OMA1: variants seen among roughly 807,000 people sequenced by gnomAD.
OMA1 encodes metalloendopeptidase OMA1, mitochondrial.
A neutral mutation model predicts 30.9 loss-of-function variants in OMA1; 38 were observed. That is an observed-to-expected ratio of 1.23 (90% CI 0.95 to 1.61). The LOEUF is 1.61. Ranked by LOEUF, OMA1 falls within the 40% of genes most tolerant of loss-of-function variation. The pLI, the probability that OMA1 is intolerant of heterozygous loss-of-function variation, is 0.00. For synonymous variants in OMA1, 173 were observed against 121.9 expected (o/e 1.42, Z -2.76); for missense variants, 461 against 349.2 (o/e 1.32, Z -2.55).
At chr1:58,545,966 T>C (rs1164601877) in intron 1 of OMA1, among the ~76,000 whole-genome samples, 4 of 152,196 alleles carry the variant, frequency 2.6e-5, no homozygotes, top group Admixed American at 2.6e-4. Flanking sequence ...CTAAATCCTT[T>C]TAGCGAGGGT....
intron 7 of OMA1, among the ~76,000 whole-genome samples, chr1:58,514,763 T>C (rs1646134219): frequency 6.6e-6 from 1 of 152,174 alleles, no homozygotes; most frequent in Non-Finnish European, 1.5e-5. Flanking sequence ...AAAATGATCA[T>C]TATTTTAGAA....
intron 7 of OMA1, among the ~76,000 whole-genome samples, chr1:58,521,241 T>G (rs1646257439): frequency 6.6e-6 from 1 of 151,512 alleles, no homozygotes; most frequent in Admixed American, 6.6e-5. Context: ...CATTTTAAAC[T>G]GAAGAAAAAA....
At chr1:58,510,960 T>C (rs911271146) in intron 7 of OMA1, among the ~76,000 whole-genome samples, 1 of 151,890 alleles carries the variant, frequency 6.6e-6, no homozygotes, top group Admixed American at 6.6e-5. Flanking sequence ...AAAAAACTGA[T>C]GAAAGAAATT....
At chr1:58,527,594 T>TG (rs1225677681) in intron 6 of OMA1, among the ~76,000 whole-genome samples, 9 of 152,208 alleles carry the variant, frequency 5.9e-5, no homozygotes, top group Non-Finnish European at 1.3e-4. Context: ...AGGAATTTAC[T>TG]TCTATTTTTC....
At chr1:58,493,730 A>C (rs1645743027) in intron 8 of OMA1, among the ~76,000 whole-genome samples, 1 of 151,882 alleles carries the variant, frequency 6.6e-6, no homozygotes, top group African/African-American at 2.4e-5. Flanking sequence ...GGACCTCTTC[A>C]AGGAGAACTA....
chr1:58,487,532 T>C (rs941444372), intron 8 of OMA1, among the ~76,000 whole-genome samples: 2 of 152,202 alleles, frequency 1.3e-5, no homozygotes, highest in South Asian at 4.1e-4. Context: ...GTAGAACTAA[T>C]TAGTAACTAG....
chr1:58,519,299 T>TA (rs2100448007), intron 7 of OMA1, among the ~76,000 whole-genome samples: 1 of 152,306 alleles, frequency 6.6e-6, no homozygotes, highest in East Asian at 1.9e-4. Flanking sequence ...GATATTTTGA[T>TA]AGAGGCATGA....
chr1:58,527,721 C>T (rs978608867), intron 6 of OMA1, among the ~76,000 whole-genome samples: 7 of 152,004 alleles, frequency 4.6e-5, no homozygotes, highest in Admixed American at 4.6e-4. Flanking sequence ...ATCAAGAAAA[C>T]GTAGGCATAT....
chr1:58,544,971 G>A (rs1353322191), intron 1 of OMA1, among the ~76,000 whole-genome samples: 1 of 152,080 alleles, frequency 6.6e-6, no homozygotes, highest in African/African-American at 2.4e-5. Context: ...TAACTCCTGG[G>A]CTCAACTGAT....
intron 6 of OMA1, 81 bp from the exon 7 acceptor site, chr1:58,527,416 A>C: frequency 1.3e-6 from 1 of 754,998 alleles, no homozygotes; most frequent in East Asian, 2.5e-5. Flanking sequence ...TTTTTAAAAA[A>C]CAGTTTCATG....
intron 7 of OMA1, among the ~76,000 whole-genome samples, chr1:58,522,359 T>C (rs538574767): frequency 6.6e-6 from 1 of 152,194 alleles, no homozygotes; most frequent in Non-Finnish European, 1.5e-5. Context: ...TTGATAAAAT[T>C]TAATATATAT....
chr1:58,543,174 C>T (rs1026941504), intron 1 of OMA1, among the ~76,000 whole-genome samples: 4 of 152,134 alleles, frequency 2.6e-5, no homozygotes, highest in African/African-American at 7.2e-5. Context: ...CAAAATAATG[C>T]GCTTTCTTCA....
chr1:58,499,314 C>CAAAAAA (rs58217798), intron 8 of OMA1, among the ~76,000 whole-genome samples: 7 of 69,730 alleles, frequency 1.0e-4, no homozygotes, highest in Admixed American at 3.7e-4. Context: ...CACATCTCTA[C>CAAAAAA]AAAAAAAAAA....
At chr1:58,483,041 C>T (rs1306315435) in intron 8 of OMA1, among the ~76,000 whole-genome samples, 2 of 152,224 alleles carry the variant, frequency 1.3e-5, no homozygotes, top group African/African-American at 4.8e-5. Context: ...TATTCTCCTA[C>T]TTTGAAGAAT....
chr1:58,523,361 T>C (rs1359618696), intron 7 of OMA1, among the ~76,000 whole-genome samples: 2 of 152,246 alleles, frequency 1.3e-5, no homozygotes, highest in African/African-American at 2.4e-5. Context: ...TCTATAACAA[T>C]GATGGAATCT....
At chr1:58,511,899 C>CA (rs200597846) in intron 7 of OMA1, among the ~76,000 whole-genome samples, 3,777 of 152,084 alleles carry the variant, frequency 0.025, 139 homozygotes, top group Admixed American at 0.096. Context: ...GCACGGGAAA[C>CA]AAAAGGCAAA....
intron 8 of OMA1, among the ~76,000 whole-genome samples, chr1:58,502,528 C>T (rs965670303): frequency 6.6e-6 from 1 of 152,182 alleles, no homozygotes; most frequent in Non-Finnish European, 1.5e-5. Flanking sequence ...GGGAACATAA[C>T]TTCACCATAC....
At chr1:58,526,182 A>G (rs557626064) in intron 7 of OMA1, among the ~76,000 whole-genome samples, 1 of 152,232 alleles carries the variant, frequency 6.6e-6, no homozygotes, top group East Asian at 1.9e-4. Flanking sequence ...GGAAATTCTT[A>G]ATACAGCCAA....
intron 8 of OMA1, among the ~76,000 whole-genome samples, chr1:58,496,935 A>G (rs1645812570): frequency 6.6e-6 from 1 of 152,154 alleles, no homozygotes; most frequent in Non-Finnish European, 1.5e-5. Context: ...TGCTGGCCAC[A>G]AGGAAGAAAA....
Sources: gnomAD v4.1 joint callset for allele counts (sites outside exome capture counted in the v4.1 genomes callset) on GRCh38, gnomAD v4.1.1 for gene constraint, MANE v1.5 for transcripts, NCBI Gene and HGNC (gene_info 2026-07-23, HGNC 2026-07-21) for gene names.